The following DNAAF1 variants were observed in gnomAD, a reference collection of about 807,000 sequenced individuals.
The protein encoded by DNAAF1 is dynein axonemal assembly factor 1.
DNAAF1 carries 65 observed loss-of-function variants against 71.1 expected under a neutral mutation model. The ratio of observed to expected loss-of-function variants is 0.91; its 90% CI spans 0.75 to 1.12. The LOEUF (loss-of-function observed/expected upper bound fraction) is 1.12, where lower values mean the gene tolerates loss of function less well. Among genes scored for constraint, DNAAF1 ranks in the 50% most tolerant of loss-of-function variants. The pLI is 0.00. For synonymous variants in DNAAF1, 414 were observed against 354.6 expected (o/e 1.17, Z -1.88); for missense variants, 1,178 against 899.8 (o/e 1.31, Z -3.96).
intron 7 of DNAAF1, among the ~76,000 whole-genome samples, chr16:84,167,488 A>G (rs2088081101): frequency 6.6e-6 from 1 of 152,278 alleles, no homozygotes; most frequent in African/African-American, 2.4e-5. Flanking sequence ...GTGCTCCAGA[A>G]GCCACCCCAC....
At chr16:84,174,418 G>A in intron 9 of DNAAF1, 1 of 1,388,170 alleles carries the variant, frequency 7.2e-7, no homozygotes, top group Admixed American at 3.0e-5. Flanking sequence ...AAAAGATGTG[G>A]AAATTCTTTA....
intron 1 of DNAAF1, among the ~76,000 whole-genome samples, chr16:84,146,740 G>A (rs1419949048): frequency 2.7e-5 from 4 of 150,196 alleles, no homozygotes; most frequent in Admixed American, 2.7e-4. Flanking sequence ...GCAAGACTCC[G>A]TCTCAAAAAA....
intron 1 of DNAAF1, among the ~76,000 whole-genome samples, chr16:84,147,561 A>C (rs187056624): frequency 1.9e-3 from 286 of 152,016 alleles, no homozygotes; most frequent in African/African-American, 5.6e-3. Context: ...TACCCAGGCT[A>C]GATCTTCCTG....
intron 3 of DNAAF1, among the ~76,000 whole-genome samples, chr16:84,152,574 C>T (rs571742379): frequency 6.7e-6 from 1 of 150,122 alleles, no homozygotes; most frequent in Admixed American, 6.7e-5. Flanking sequence ...CGCTTGAACC[C>T]AGGAGGCTGT....
rs1318005494 is a variant in DNAAF1, at chr16:84,149,016, A to G, written c.134A>G (p.Asp45Gly). Residue 45 changes from aspartate (D) to glycine (G), a missense_variant, in exon 2 of 12, where the codon GAT (aspartate) becomes GGT (glycine). Coordinates refer to ENST00000378553, the MANE Select transcript of DNAAF1 (RefSeq NM_178452.6). Reference sequence around the variant, plus strand: ...CTCTTTTATTTTACAGAAATTAATGATCCTAAGGAAATATGTGTGGGTTCT... The same window carrying G: ...CTCTTTTATTTTACAGAAATTAATGGTCCTAAGGAAATATGTGTGGGTTCT... ...GRGGCKEEINDPKEICVGSSD... is the reference protein window; with the variant it reads ...GRGGCKEEINGPKEICVGSSD... 1.2e-6 allele frequency: 2 copies of G among 1,613,948 alleles called. No individual in the cohort carries two copies. Among genetic ancestry groups the G allele is most frequent in the Non-Finnish European group, 1.7e-6 (2 of 1,179,996 alleles).
rs748280234 is a variant in DNAAF1 at position 84,172,400 on chromosome 16, G to C, written c.1644+25G>C. On this transcript the variant is annotated intron_variant, in intron 9 of 11. Coordinates refer to ENST00000378553, the MANE Select transcript of DNAAF1 (RefSeq NM_178452.6). ...TGTACATGAAGTATTTAATCTTGGA[G>C]ATAAGTATCAGTTTTACTGTTAGTA... 7.4e-6 allele frequency: 12 copies of C among 1,612,402 alleles called. No homozygotes were observed. The African/African-American group carries it at 1.5e-4, about 20-fold the overall frequency.
At chr16:84,170,677 C>T (rs951729731) in intron 8 of DNAAF1, among the ~76,000 whole-genome samples, 3 of 152,142 alleles carry the variant, frequency 2.0e-5, no homozygotes, top group African/African-American at 7.2e-5. Flanking sequence ...ACCAAAACTA[C>T]AAAAATTAGC....
chr16:84,172,383 A>T lies in DNAAF1; in HGVS notation c.1644+8A>T. ...GAGACATTCTGCATTGATGTACATGAAGTATTTAATCTTGGAGATAAGTAT... is the reference window on the plus strand; with the variant it reads ...GAGACATTCTGCATTGATGTACATGTAGTATTTAATCTTGGAGATAAGTAT... On this transcript the variant is annotated splice_region_variant and intron_variant, in intron 9 of 11. Coordinates refer to ENST00000378553, the MANE Select transcript of DNAAF1 (RefSeq NM_178452.6). 1 of 1,613,636 alleles carries T rather than the reference A, an allele frequency of 6.2e-7. No homozygotes were observed. The highest frequency in any genetic ancestry group is 8.5e-7 in the Non-Finnish European group (1 of 1,179,714).
At chr16:84,173,822 A>C (rs2088508922) in intron 9 of DNAAF1, 1 of 152,710 alleles carries the variant, frequency 6.5e-6, no homozygotes, top group African/African-American at 2.4e-5. Flanking sequence ...TCACCACTGC[A>C]CTCCAGCCTG....
chr16:84,173,465 A>C (rs1157958584), intron 9 of DNAAF1: 16 of 983,840 alleles, frequency 1.6e-5, no homozygotes, highest in Non-Finnish European at 1.9e-5. Flanking sequence ...CTCCATCTCA[A>C]AAAAGAAAAA....
chr16:84,174,706 A>T lies in DNAAF1; in HGVS notation c.1682A>T (p.Lys561Ile), dbSNP rs371575198. The part of the protein sequence containing the change: ...PDLEDDDETG[K>I]SLEDQNMCFP... ...TTGGAAGATGATGATGAAACAGGCA[A>T]ATCTCTGGAAGACCAGGTTAAGGTC... is the stretch of plus-strand genomic sequence containing the variant. The change falls in exon 10 of 12, where the codon AAA (lysine) becomes ATA (isoleucine). Residue 561 changes from lysine to isoleucine, a missense_variant. Transcript: ENST00000378553. The T allele has an allele frequency of 1.4e-5, 22 of 1,614,194 alleles. No homozygotes were observed. Among genetic ancestry groups the T allele is most frequent in the Non-Finnish European group, 1.8e-5 (21 of 1,180,040 alleles).
chr16:84,150,240 C>G lies in DNAAF1; in HGVS notation c.261-11C>G, dbSNP rs777266831. The G allele has an allele frequency of 3.1e-6, 5 of 1,600,786 alleles. No homozygotes were observed. Among genetic ancestry groups the G allele is most frequent in the Non-Finnish European group, 4.3e-6 (5 of 1,168,000 alleles). On this transcript the variant is annotated splice_polypyrimidine_tract_variant and intron_variant, in intron 2 of 11. Coordinates refer to ENST00000378553, the MANE Select transcript of DNAAF1 (RefSeq NM_178452.6). ...TGCAATAAGCTTATTCATATTTTTC[C>G]ATTTTAACAGAATGACTAAAAGTTC...
intron 1 of DNAAF1, among the ~76,000 whole-genome samples, chr16:84,148,596 C>CTCTCTTTT: frequency 2.3e-5 from 1 of 43,576 alleles, no homozygotes; most frequent in African/African-American, 9.2e-5. Flanking sequence ...CTCTCTCTCT[C>CTCTCTTTT]TTTTTTTTTT....
chr16:84,154,449 G>T (rs2087318652), intron 3 of DNAAF1, 128 bp from the exon 4 acceptor site: 1 of 831,636 alleles, frequency 1.2e-6, no homozygotes, highest in East Asian at 2.6e-5. Context: ...TAGGGGTTAG[G>T]ATTTCAATGT....
intron 3 of DNAAF1, among the ~76,000 whole-genome samples, chr16:84,150,839 C>T (rs1486798642): frequency 6.6e-6 from 1 of 152,106 alleles, no homozygotes; most frequent in East Asian, 1.9e-4. Flanking sequence ...GTCTCAAACT[C>T]CTGAACCCAG....
intron 6 of DNAAF1, among the ~76,000 whole-genome samples, chr16:84,163,993 C>T (rs946932903): frequency 2.6e-5 from 4 of 151,880 alleles, no homozygotes; most frequent in South Asian, 4.2e-4. Flanking sequence ...TTTGTAGAGA[C>T]GGGGTCTTGC....
In DNAAF1 at chr16:84,154,721, T is replaced by C. The variant is rs778524663; in HGVS notation, c.497T>C (p.Ile166Thr). The part of the protein sequence containing the change: ...LFLQMNLLRK[I>T]ENLEPLQKLD... ...TTGCAAATGAACTTGCTCCGTAAAA[T>C]TGAGAACCTGGAACCTCTGCAGAAA... is the stretch of plus-strand genomic sequence containing the variant. The change falls in exon 4 of 12, where the codon ATT becomes ACT. Residue 166 changes from isoleucine (I) to threonine (T), a missense_variant. Ile to Thr is a moderately conservative substitution (Grantham distance 89). Transcript: ENST00000378553. The C allele has an allele frequency of 2.3e-5, 37 of 1,614,062 alleles. No homozygotes were observed. The highest frequency in any genetic ancestry group is 3.1e-5 in the Non-Finnish European group (37 of 1,180,006).
intron 5 of DNAAF1, among the ~76,000 whole-genome samples, chr16:84,156,013 G>GA (rs1257902058): frequency 1.3e-5 from 2 of 151,932 alleles, no homozygotes; most frequent in South Asian, 2.1e-4. Context: ...GATCAGGCTA[G>GA]AGTGCTGTGG....
At chr16:84,174,518 T>A in intron 9 of DNAAF1, 151 bp from the exon 10 acceptor site, 1 of 1,542,240 alleles carries the variant, frequency 6.5e-7, no homozygotes, top group Non-Finnish European at 8.8e-7. Context: ...TAGAGTTCCT[T>A]TTGGTGGGGA....
Sources: allele counts gnomAD v4.1 joint callset (sites outside exome capture counted in the v4.1 genomes callset), GRCh38; gene constraint gnomAD v4.1.1; transcripts MANE v1.5; gene names NCBI Gene and HGNC (gene_info 2026-07-23, HGNC 2026-07-21).